Variants in RRM2B observed in about 807,000 individuals in gnomAD.
RRM2B encodes ribonucleotide reductase regulatory TP53 inducible subunit M2B.
RRM2B carries 20 observed loss-of-function variants against 45.9 expected under a neutral mutation model. That is an observed-to-expected ratio of 0.44 (90% confidence interval 0.31 to 0.63). RRM2B has a LOEUF of 0.63. Ranked by LOEUF, RRM2B falls within the 30% of genes least tolerant of loss-of-function variation. The pLI is 0.09. For synonymous variants in RRM2B, 124 were observed against 132.3 expected (o/e 0.94, Z 0.43); for missense variants, 320 against 414.7 (o/e 0.77, Z 1.98).
chr8:102,218,238 T>C lies in RRM2B; in HGVS notation c.684+576A>G, dbSNP rs542341718. On this transcript the variant is annotated intron_variant, in intron 6 of 8. Transcript: ENST00000251810. Reference sequence around the variant, plus strand: ...GTAAACAAGATCAGCCAGGAGGGCATATATAGTGAAGGAGCAAGGCCAGTG... The same window carrying C: ...GTAAACAAGATCAGCCAGGAGGGCACATATAGTGAAGGAGCAAGGCCAGTG... Among the ~76,000 whole-genome samples, 3 of 152,254 alleles carry C rather than the reference T, an allele frequency of 2.0e-5. No homozygotes were observed. In the East Asian group the frequency reaches 5.8e-4, roughly 29 times the overall value.
chr8:102,224,507 T>C (rs1302536132), intron 4 of RRM2B, among the ~76,000 whole-genome samples: 3 of 152,236 alleles, frequency 2.0e-5, no homozygotes, highest in Non-Finnish European at 4.4e-5. Context: ...CTAAACTTAA[T>C]CAGAGATAAT....
At chr8:102,221,581 C>T (rs574952222) in intron 5 of RRM2B, among the ~76,000 whole-genome samples, 1 of 152,300 alleles carries the variant, frequency 6.6e-6, no homozygotes, top group East Asian at 1.9e-4. Flanking sequence ...TTTCCCTGTT[C>T]CACTCTACAC....
chr8:102,211,004 CAGAGAG>C (rs147839097), intron 8 of RRM2B, among the ~76,000 whole-genome samples: 4 of 148,332 alleles, frequency 2.7e-5, no homozygotes, highest in African/African-American at 4.9e-5. Flanking sequence ...CATGTATATG[CAGAGAG>C]AGAGAGAGAG....
In RRM2B at chr8:102,207,982, T is replaced by C; in HGVS notation, c.*151A>G. 1.6e-6 allele frequency: 1 copy of C among 629,640 alleles called. No individual in the cohort carries two copies. The highest frequency in any genetic ancestry group is 2.8e-6 in the Non-Finnish European group (1 of 359,804). The allele number at this position is 629,640 out of a possible 1,614,324, so 39.0% of individuals were successfully genotyped here. A position where few individuals can be genotyped will look rare whatever the true frequency, so the allele number is the denominator to read the frequency against. On this transcript the variant is annotated 3_prime_UTR_variant, in exon 9 of 9. Transcript: ENST00000251810. ...CTTGTTGTTAAACAGGAAAATTATATAAATGCAAATTGTTTAGAATAGGTT... is the reference window on the plus strand; with the variant it reads ...CTTGTTGTTAAACAGGAAAATTATACAAATGCAAATTGTTTAGAATAGGTT...
intron 1 of RRM2B, 173 bp downstream of exon 1, chr8:102,238,654 C>T (rs1811170556): frequency 1.3e-6 from 2 of 1,536,648 alleles, no homozygotes; most frequent in Non-Finnish European, 1.7e-6. Context: ...CTCCGCCCTC[C>T]CCGGGGACGG....
At position 102,225,988 on chromosome 8, in the gene RRM2B, T is replaced by C. The variant is rs1176843287; in HGVS notation, c.251A>G (p.Asp84Gly). 1.9e-6 allele frequency: 3 copies of C among 1,613,150 alleles called. No homozygotes were observed. Among genetic ancestry groups the C allele is most frequent in the East Asian group, 2.2e-5 (1 of 44,804 alleles). The stretch of plus-strand genomic sequence containing the variant: ...GATGTGAGAGATGAAGTACTTCTCA[T>C]CTGCTTTAAGCTTGTTCCAGTGAGG... ...DLPHWNKLKA[D>G]EKYFISHILA... The change falls in exon 3 of 9, where the codon GAT becomes GGT. Residue 84 changes from aspartate (D) to glycine (G), a missense_variant. This residue lies in a region of RRM2B where 225 missense variants were observed against 289.4 expected (regional missense o/e 0.78). Transcript: ENST00000251810.
At chr8:102,226,827 C>T (rs1810940953) in intron 2 of RRM2B, among the ~76,000 whole-genome samples, 1 of 152,204 alleles carries the variant, frequency 6.6e-6, no homozygotes, top group African/African-American at 2.4e-5. Context: ...AATCCTCCTG[C>T]CTCAGCCTCC....
rs29000277 is a variant in RRM2B, at chr8:102,212,733, T to C, written c.903+43A>G. On this transcript the variant is annotated intron_variant, in intron 8 of 8. Coordinates refer to ENST00000251810, the MANE Select transcript of RRM2B (RefSeq NM_015713.5). ...TTATACTTTAGGGTCCTTGCTTTCC[T>C]ATAATATTTTAACTAGTAGTAACAC... 2.4e-3 allele frequency: 2,387 copies of C among 1,009,126 alleles called. 42 individuals carry two copies. In the African/African-American group the frequency reaches 0.034, roughly 14 times the overall value. 62.5% of individuals were successfully genotyped at this position (1,009,126 alleles called of 1,614,324 possible).
intron 2 of RRM2B, 139 bp downstream of exon 2, chr8:102,232,006 ATATT>A (rs1407218046): frequency 3.8e-6 from 3 of 785,098 alleles, no homozygotes; most frequent in Non-Finnish European, 6.4e-6. Flanking sequence ...TGAGAACATC[ATATT>A]TAGTCTCAGT....
In RRM2B at chr8:102,230,972, C is replaced by T. The variant is rs28999700; in HGVS notation, c.204+1177G>A. 2.5e-3 allele frequency among the ~76,000 whole-genome samples: 379 copies of T among 152,250 alleles called. 1 individual carries two copies. The highest frequency in any genetic ancestry group is 8.5e-3 in the African/African-American group (355 of 41,548). On this transcript the variant is annotated intron_variant, in intron 2 of 8. Coordinates refer to ENST00000251810, the MANE Select transcript of RRM2B (RefSeq NM_015713.5). ...AGGATTTGTACCTAGGCAGTCTGAC[C>T]CCATAGCCTGCATTCTTAACAGCAT... is the stretch of plus-strand genomic sequence containing the variant.
chr8:102,231,301 T>C (rs1263189955), intron 2 of RRM2B, among the ~76,000 whole-genome samples: 1 of 152,226 alleles, frequency 6.6e-6, no homozygotes, highest in South Asian at 2.1e-4. Context: ...GTGGCAACTC[T>C]GTCACGTTTG....
chr8:102,229,588 C>A (rs1262466162), intron 2 of RRM2B, among the ~76,000 whole-genome samples: 1 of 106,558 alleles, frequency 9.4e-6, no homozygotes, highest in Non-Finnish European at 1.9e-5. Context: ...TATTATAACC[C>A]CTCAGGTTTT....
chr8:102,234,422 C>T (rs1234577322), intron 1 of RRM2B, among the ~76,000 whole-genome samples: 2 of 152,050 alleles, frequency 1.3e-5, no homozygotes, highest in Non-Finnish European at 2.9e-5. Flanking sequence ...TTTCATAATG[C>T]TTAGAAACGT....
At chr8:102,222,264 TG>T (rs1485339612) in intron 5 of RRM2B, among the ~76,000 whole-genome samples, 1 of 152,050 alleles carries the variant, frequency 6.6e-6, no homozygotes, top group Non-Finnish European at 1.5e-5. Context: ...GTTGTAGAGA[TG>T]GGGGCCTTGC....
chr8:102,214,087 C>T lies in RRM2B; in HGVS notation c.756G>A (p.Arg252=), dbSNP rs377736828. 3.3e-5 allele frequency: 54 copies of T among 1,613,364 alleles called. No homozygotes were observed. The highest frequency in any genetic ancestry group is 4.2e-5 in the Non-Finnish European group (49 of 1,179,690). ...LVNKPSEERV[R]EIIVDAVKIE... Reference sequence around the variant, plus strand: ...TTTTGACAGCATCAACAATGATCTCCCTGACCCTTTCTTCTGAAGGCTTAT... The same window carrying T: ...TTTTGACAGCATCAACAATGATCTCTCTGACCCTTTCTTCTGAAGGCTTAT... Residue 252 remains arginine, a synonymous_variant, in exon 7 of 9, where the codon AGG becomes AGA. Transcript: ENST00000251810.
Position 102,208,479 on chromosome 8 carries a change from TCTC to T in RRM2B, c.904-197_904-195del, listed in dbSNP as rs561460074. Among the ~76,000 whole-genome samples the T allele has an allele frequency of 1.7e-4, 26 of 151,488 alleles. No homozygotes were observed. In the South Asian group the frequency reaches 5.2e-3, roughly 30 times the overall value. On this transcript the variant is annotated intron_variant, in intron 8 of 8. Transcript: ENST00000251810. ...AAGATGACCCAAGATCAACCACTAA[TCTC>T]CTCAAGAAACTGTACTAGCATCTCT...
chr8:102,230,124 A>T (rs999456373), intron 2 of RRM2B, among the ~76,000 whole-genome samples: 1 of 152,230 alleles, frequency 6.6e-6, no homozygotes, highest in African/African-American at 2.4e-5. Context: ...TTTAAAGAAA[A>T]AAGTCCCAAA....
At chr8:102,223,002 A>G (rs1810861554) in intron 5 of RRM2B, among the ~76,000 whole-genome samples, 1 of 152,190 alleles carries the variant, frequency 6.6e-6, no homozygotes, top group Non-Finnish European at 1.5e-5. Context: ...GGAGTGCTCA[A>G]TAATTTTTAA....
intron 1 of RRM2B, among the ~76,000 whole-genome samples, chr8:102,233,977 C>T (rs1362644055): frequency 6.6e-6 from 1 of 152,190 alleles, no homozygotes; most frequent in African/African-American, 2.4e-5. Flanking sequence ...CACGTCACCA[C>T]ACCTGGATAA....
Sources: allele counts gnomAD v4.1 joint callset (sites outside exome capture counted in the v4.1 genomes callset), GRCh38; gene constraint gnomAD v4.1.1; regional missense constraint gnomAD v4.1.1; transcripts MANE v1.5; gene names NCBI Gene and HGNC (gene_info 2026-07-23, HGNC 2026-07-21).